Variants in AQP4 observed in about 807,000 individuals in gnomAD.
AQP4 encodes aquaporin 4, also known as aquaporin-4.
Under a neutral mutation model 27.8 loss-of-function variants are expected in AQP4, and 18 were observed. That is an observed-to-expected ratio of 0.65 (90% confidence interval 0.45 to 0.96). The LOEUF (loss-of-function observed/expected upper bound fraction) is 0.96. Ranked by LOEUF, AQP4 falls within the 40% of genes least tolerant of loss-of-function variation. The pLI is 0.00. For synonymous variants in AQP4, 141 were observed against 142.9 expected, an observed-to-expected ratio of 0.99 and a Z score of 0.10; for missense variants, 412 against 408.2, an observed-to-expected ratio of 1.01 and a Z score of -0.08.
chr18:26,863,037 C>T (rs2054987458), intron 1 of AQP4: 1 of 181,548 alleles, frequency 5.5e-6, no homozygotes, highest in Non-Finnish European at 1.1e-5. Context: ...CATTTGATTG[C>T]TTTGAAATGG....
intron 4 of AQP4, among the ~76,000 whole-genome samples, chr18:26,857,259 T>C (rs894310092): frequency 1.3e-5 from 2 of 151,948 alleles, no homozygotes; most frequent in African/African-American, 4.8e-5. Context: ...TGAAAAAATA[T>C]GAGTTTATGG....
rs1219315144 is a variant in AQP4 at position 26,853,861 on chromosome 18, A to G, written c.*2350T>C. On this transcript the variant is annotated 3_prime_UTR_variant, in exon 5 of 5. Transcript: ENST00000383168. ...AGCTTTCATTCATTTCATGCCCCTA[A>G]AAATAGTAGAATGCAAAAAATGTAT... 1 of 152,460 alleles carries G rather than the reference A, an allele frequency of 6.6e-6. No homozygotes were observed. The highest frequency in any genetic ancestry group is 2.4e-5 in the African/African-American group (1 of 41,468). The allele number at this position is 152,460 out of a possible 1,614,324, so 9.4% of individuals were successfully genotyped here. A position where few individuals can be genotyped will look rare whatever the true frequency, so the allele number is the denominator to read the frequency against.
chr18:26,861,660 A>G (rs1408193525), intron 2 of AQP4, among the ~76,000 whole-genome samples: 1 of 152,210 alleles, frequency 6.6e-6, no homozygotes, highest in Non-Finnish European at 1.5e-5. Flanking sequence ...GTTTAAATTA[A>G]TTAATATATA....
rs1422548682 is a variant in AQP4 at position 26,855,519 on chromosome 18, C to G, written c.*692G>C. Reference sequence around the variant, plus strand: ...CTTGTCTTGAATCTCAATAGGTGCCCTTATGATTTGGGAAGGATTTCTGAA... The same window carrying G: ...CTTGTCTTGAATCTCAATAGGTGCCGTTATGATTTGGGAAGGATTTCTGAA... On this transcript the variant is annotated 3_prime_UTR_variant, in exon 5 of 5. Coordinates refer to ENST00000383168, the MANE Select transcript of AQP4 (RefSeq NM_001650.7). 6.6e-6 allele frequency: 1 copy of G among 152,372 alleles called. No homozygotes were observed. Among genetic ancestry groups the G allele is most frequent in the East Asian group, 1.9e-4 (1 of 5,202 alleles). The allele number at this position is 152,372 out of a possible 1,614,324, so 9.4% of individuals were successfully genotyped here.
rs544306730 is a variant in AQP4, at chr18:26,865,642, G to A, written c.32+16C>T. 9.2e-5 allele frequency: 149 copies of A among 1,614,098 alleles called. No homozygotes were observed. The highest frequency in any genetic ancestry group is 2.3e-4 in the Admixed American group (14 of 60,018). On this transcript the variant is annotated intron_variant, in intron 1 of 4. Transcript: ENST00000383168. The stretch of plus-strand genomic sequence containing the variant: ...TGGCCCTAAGCGTTGTTCCCTTAAG[G>A]CAAAGAAGGACTTACCCCCACCGCC...
chr18:26,860,535 G>T (rs2054922260), intron 4 of AQP4, among the ~76,000 whole-genome samples: 1 of 152,128 alleles, frequency 6.6e-6, no homozygotes. Flanking sequence ...TTCAAAAAAG[G>T]AAAAGACTAT....
chr18:26,861,328 A>G lies in AQP4; in HGVS notation c.448-33T>C, dbSNP rs750645134. 5.0e-6 allele frequency: 8 copies of G among 1,599,032 alleles called. No homozygotes were observed. In the Admixed American group the frequency reaches 6.7e-5, roughly 13 times the overall value. On this transcript the variant is annotated intron_variant, in intron 2 of 4. Coordinates refer to ENST00000383168, the MANE Select transcript of AQP4 (RefSeq NM_001650.7). ...AAGAAAAATATTCCATCAGAATTGA[A>G]GCAAGAGTATTTTCGATGACAATGT...
chr18:26,853,287 A>G lies in AQP4; in HGVS notation c.*2924T>C, dbSNP rs886985117. 3.0e-5 allele frequency: 5 copies of G among 164,818 alleles called. No homozygotes were observed. The highest frequency in any genetic ancestry group is 1.7e-4 in the East Asian group (1 of 5,958). The allele number at this position is 164,818 out of a possible 1,614,324, so 10.2% of individuals were successfully genotyped here. A position where few individuals can be genotyped will look rare whatever the true frequency, so the allele number is the denominator to read the frequency against. The stretch of plus-strand genomic sequence containing the variant: ...GTAGGAATCTTAAATTTAGGCAACT[A>G]CTTAAGTCCAGAAAATATTTCCTTC... On this transcript the variant is annotated 3_prime_UTR_variant, in exon 5 of 5. Transcript: ENST00000383168.
In AQP4 at chr18:26,857,744, A is replaced by C. The variant is rs576395614; in HGVS notation, c.694-1255T>G. ...AGAATATTAGACATTTATTTAACAG[A>C]CGCACTTGGGCAACAGAAACCCTGC... On this transcript the variant is annotated intron_variant, in intron 4 of 4. Coordinates refer to ENST00000383168, the MANE Select transcript of AQP4 (RefSeq NM_001650.7). Among the ~76,000 whole-genome samples, 81 of 152,338 alleles carry C rather than the reference A, an allele frequency of 5.3e-4. 2 individuals carry two copies. The highest frequency in any genetic ancestry group is 1.8e-3 in the African/African-American group (75 of 41,574).
chr18:26,862,013 TA>T, intron 2 of AQP4, 168 bp downstream of exon 2: 1 of 768,418 alleles, frequency 1.3e-6, no homozygotes, highest in Non-Finnish European at 2.1e-6. Context: ...TTCTTACAGA[TA>T]TACCTAAATA....
At chr18:26,860,586 C>G in intron 4 of AQP4, 186 bp downstream of exon 4, 2 of 605,984 alleles carry the variant, frequency 3.3e-6, no homozygotes, top group South Asian at 3.7e-5. Context: ...TGTTTTACAT[C>G]TCTTATCTTT....
Position 26,865,675 on chromosome 18 carries a change from G to C in AQP4, c.15C>G (p.Pro5=). Residue 5 remains proline (P), a synonymous_variant, in exon 1 of 5, where the codon CCC becomes CCG. Transcript: ENST00000383168. MSDR[P]TARRWGKCGP... ...GGACTTACCCCCACCGCCTTGCTGT[G>C]GGTCTGTCACTCATGCCTTCCCCAG... The C allele has an allele frequency of 6.2e-7, 1 of 1,614,186 alleles. No individual in the cohort carries two copies. The highest frequency in any genetic ancestry group is 8.5e-7 in the Non-Finnish European group (1 of 1,180,036).
Position 26,853,830 on chromosome 18 carries a change from T to C in AQP4, c.*2381A>G, listed in dbSNP as rs1191786809. On this transcript the variant is annotated 3_prime_UTR_variant, in exon 5 of 5. Transcript: ENST00000383168. ...TGTCTCATATGTAGGGGCAAAAAAG[T>C]GCTAAAGCTTTCATTCATTTCATGC... 6.6e-6 allele frequency: 1 copy of C among 152,586 alleles called. No homozygotes were observed. Among genetic ancestry groups the C allele is most frequent in the East Asian group, 1.9e-4 (1 of 5,206 alleles). 9.5% of individuals were successfully genotyped at this position (152,586 alleles called of 1,614,324 possible).
rs1058424 is a variant in AQP4 at position 26,855,581 on chromosome 18, A to T, written c.*630T>A. On this transcript the variant is annotated 3_prime_UTR_variant, in exon 5 of 5. Transcript: ENST00000383168. Reference sequence around the variant, plus strand: ...AATTTCTGGGCTTTAGTCCCACATTACCTTGGGCATTGAGGAGGAAGAAAT... The same window carrying T: ...AATTTCTGGGCTTTAGTCCCACATTTCCTTGGGCATTGAGGAGGAAGAAAT... 28,546 of 153,174 alleles carry T rather than the reference A, an allele frequency of 0.19. 3,238 individuals are homozygous for T. The highest frequency in any genetic ancestry group is 0.41 in the East Asian group (2,144 of 5,186). The allele number at this position is 153,174 out of a possible 1,614,324, so 9.5% of individuals were successfully genotyped here. A position where few individuals can be genotyped will look rare whatever the true frequency, so the allele number is the denominator to read the frequency against.
Position 26,856,304 on chromosome 18 carries a change from AAT to A in AQP4, c.877_878del (p.Ile293SerfsTer10). Reference sequence around the variant, plus strand: ...TCACATGCACCACTCCAGGTTTTAGAATCAGGTCATCCGTCTCTACCTGACTC... The same window carrying A: ...TCACATGCACCACTCCAGGTTTTAGACAGGTCATCCGTCTCTACCTGACTC... Reference protein sequence around the residue: ...NRSQVETDDLILKPGVVHVID... With the variant: ...NRSQVETDDLXLKPGVVHVID... On this transcript the variant is annotated frameshift_variant, in exon 5 of 5. Coordinates refer to ENST00000383168, the MANE Select transcript of AQP4 (RefSeq NM_001650.7). LOFTEE classifies it high-confidence loss of function. 1 of 1,614,152 alleles carries A rather than the reference AAT, an allele frequency of 6.2e-7. No homozygotes were observed. The highest frequency in any genetic ancestry group is 8.5e-7 in the Non-Finnish European group (1 of 1,180,020).
At chr18:26,857,457 G>T (rs1012438760) in intron 4 of AQP4, among the ~76,000 whole-genome samples, 5 of 151,994 alleles carry the variant, frequency 3.3e-5, no homozygotes, top group African/African-American at 1.2e-4. Flanking sequence ...CTCCTGAGTA[G>T]CTGGGACTAC....
intron 1 of AQP4, among the ~76,000 whole-genome samples, chr18:26,864,804 G>T (rs573174962): frequency 6.6e-6 from 1 of 151,988 alleles, no homozygotes; most frequent in East Asian, 1.9e-4. Flanking sequence ...TTTCAGCCCC[G>T]CAGGAGACAC....
At chr18:26,863,817 C>T (rs1030414760) in intron 1 of AQP4, among the ~76,000 whole-genome samples, 1 of 152,136 alleles carries the variant, frequency 6.6e-6, no homozygotes, top group African/African-American at 2.4e-5. Flanking sequence ...GTGTGTCTCA[C>T]CTTGTGGAGC....
chr18:26,856,820 T>A (rs2054853699), intron 4 of AQP4, among the ~76,000 whole-genome samples: 2 of 152,178 alleles, frequency 1.3e-5, no homozygotes, highest in Admixed American at 6.5e-5. Context: ...AAGAATTCTT[T>A]AACTAAAATA....
Sources: gnomAD v4.1 joint callset for allele counts (sites outside exome capture counted in the v4.1 genomes callset) on GRCh38, gnomAD v4.1.1 for gene constraint, MANE v1.5 for transcripts, NCBI Gene and HGNC (gene_info 2026-07-23, HGNC 2026-07-21) for gene names.